SNTG1: variants seen among roughly 807,000 people sequenced by gnomAD.
SNTG1 encodes the protein gamma-1-syntrophin.
SNTG1 carries 39 observed loss-of-function variants against 74.7 expected under a neutral mutation model. That is an observed-to-expected ratio of 0.52 (90% CI 0.40 to 0.68). SNTG1 has a LOEUF of 0.68. Among genes scored for constraint, SNTG1 ranks in the 30% least tolerant of loss-of-function variants. SNTG1 has a pLI of 0.00. For missense variants in SNTG1, 685 were observed against 609.5 expected (o/e 1.12, Z -1.30); for synonymous variants, 254 against 217.1 (o/e 1.17, Z -1.49).
intron 13 of SNTG1, among the ~76,000 whole-genome samples, chr8:50,622,017 C>A (rs930683708): frequency 6.6e-6 from 1 of 152,094 alleles, no homozygotes. Flanking sequence ...ACTTTGTGCT[C>A]ACCCTCTATG....
At chr8:50,645,025 T>G (rs34433142) in intron 13 of SNTG1, among the ~76,000 whole-genome samples, 34,498 of 151,494 alleles carry the variant, frequency 0.23, 4,583 homozygotes, top group African/African-American at 0.36. Context: ...CACAGTGCTA[T>G]AATTAAAGGC....
chr8:50,162,553 C>G (rs575120187), intron 1 of SNTG1, among the ~76,000 whole-genome samples: 1 of 128,612 alleles, frequency 7.8e-6, no homozygotes, highest in Admixed American at 8.4e-5. Context: ...CAGCAAGACT[C>G]TGTCTCAAAA....
intron 2 of SNTG1, among the ~76,000 whole-genome samples, chr8:50,321,283 T>A (rs1487260674): frequency 6.6e-6 from 1 of 152,260 alleles, no homozygotes; most frequent in Non-Finnish European, 1.5e-5. Flanking sequence ...TATCATTATA[T>A]TACCTTATTT....
At chr8:50,153,824 G>T (rs1230368205) in intron 1 of SNTG1, among the ~76,000 whole-genome samples, 1 of 152,178 alleles carries the variant, frequency 6.6e-6, no homozygotes, top group African/African-American at 2.4e-5. Context: ...ACTGGGGGGT[G>T]CCTCCCAGTT....
chr8:50,568,402 T>G (rs1053860293), intron 12 of SNTG1, among the ~76,000 whole-genome samples: 3 of 152,132 alleles, frequency 2.0e-5, no homozygotes, highest in African/African-American at 7.2e-5. Flanking sequence ...TGTTTTTACT[T>G]TTTGAGGAAC....
intron 2 of SNTG1, among the ~76,000 whole-genome samples, chr8:50,227,303 A>AG (rs2085379174): frequency 6.6e-6 from 1 of 152,142 alleles, no homozygotes; most frequent in South Asian, 2.1e-4. Context: ...GCAGTTTTAG[A>AG]GGGGGTTTCA....
chr8:50,460,614 C>T (rs532173916), intron 8 of SNTG1, among the ~76,000 whole-genome samples: 52 of 152,122 alleles, frequency 3.4e-4, no homozygotes, highest in African/African-American at 1.2e-3. Context: ...ACTTACAGTT[C>T]GATGTCATGC....
At chr8:50,562,611 GT>G (rs1457739264) in intron 12 of SNTG1, among the ~76,000 whole-genome samples, 2 of 152,110 alleles carry the variant, frequency 1.3e-5, no homozygotes, top group East Asian at 3.9e-4. Flanking sequence ...AAATGTGTGG[GT>G]TTTTCTTAAA....
chr8:50,615,258 T>A (rs1025345032), intron 13 of SNTG1, among the ~76,000 whole-genome samples: 5 of 152,042 alleles, frequency 3.3e-5, no homozygotes, highest in African/African-American at 4.8e-5. Flanking sequence ...CCGTGCTTCC[T>A]TAGAAAATTA....
At chr8:50,633,407 C>A (rs946425793) in intron 13 of SNTG1, among the ~76,000 whole-genome samples, 5 of 152,158 alleles carry the variant, frequency 3.3e-5, no homozygotes, top group African/African-American at 1.2e-4. Context: ...CATAGCCACT[C>A]TGGGTAAAAA....
At chr8:50,198,094 C>A (rs2083845931) in intron 2 of SNTG1, among the ~76,000 whole-genome samples, 1 of 152,000 alleles carries the variant, frequency 6.6e-6, no homozygotes, top group Admixed American at 6.6e-5. Context: ...CAGAATGAGC[C>A]CCATATCAGA....
intron 2 of SNTG1, among the ~76,000 whole-genome samples, chr8:50,269,976 T>G (rs549530322): frequency 1.3e-5 from 2 of 152,328 alleles, no homozygotes; most frequent in Non-Finnish European, 2.9e-5. Context: ...CCATGTGTTT[T>G]TAATTCTTGT....
chr8:50,766,548 G>A (rs1446429815), intron 18 of SNTG1, among the ~76,000 whole-genome samples: 1 of 151,732 alleles, frequency 6.6e-6, no homozygotes, highest in Non-Finnish European at 1.5e-5. Flanking sequence ...TGTTTTAGAG[G>A]GATTTAAGAT....
At chr8:50,458,913 A>T (rs1017774066) in intron 8 of SNTG1, among the ~76,000 whole-genome samples, 3 of 152,094 alleles carry the variant, frequency 2.0e-5, no homozygotes, top group African/African-American at 7.2e-5. Flanking sequence ...AAAGGTTTTG[A>T]CTGTTAATAA....
intron 2 of SNTG1, among the ~76,000 whole-genome samples, chr8:50,240,607 C>G (rs538482331): frequency 6.6e-5 from 10 of 152,128 alleles, no homozygotes; most frequent in African/African-American, 2.4e-4. Context: ...GCAGGAGAGG[C>G]GGGAAACAAG....
chr8:49,953,448 A>C (rs1259505505), intron 1 of SNTG1, among the ~76,000 whole-genome samples: 1 of 152,186 alleles, frequency 6.6e-6, no homozygotes, highest in Non-Finnish European at 1.5e-5. Context: ...TAGAGATTAC[A>C]AGTGCCCTTA....
chr8:50,352,992 C>G (rs2091710368), intron 2 of SNTG1, among the ~76,000 whole-genome samples: 1 of 152,190 alleles, frequency 6.6e-6, no homozygotes, highest in East Asian at 1.9e-4. Flanking sequence ...ATAGCAAAGA[C>G]TTGGAACCAA....
chr8:50,304,438 T>TATTTTG (rs2089787880), intron 2 of SNTG1, among the ~76,000 whole-genome samples: 1 of 152,208 alleles, frequency 6.6e-6, no homozygotes, highest in African/African-American at 2.4e-5. Context: ...TTTGAATTAA[T>TATTTTG]AATTTTTTGG....
intron 1 of SNTG1, among the ~76,000 whole-genome samples, chr8:50,137,311 G>T (rs1477061018): frequency 6.6e-6 from 1 of 152,080 alleles, no homozygotes; most frequent in Admixed American, 6.6e-5. Flanking sequence ...CATCTTCATC[G>T]TCCTGCTGAT....
Sources: allele counts gnomAD v4.1 joint callset (sites outside exome capture counted in the v4.1 genomes callset), GRCh38; gene constraint gnomAD v4.1.1; transcripts MANE v1.5; gene names NCBI Gene and HGNC (gene_info 2026-07-23, HGNC 2026-07-21).